NTRK3: variants seen among roughly 807,000 people sequenced by gnomAD.
The protein encoded by NTRK3 is NT-3 growth factor receptor.
NTRK3 carries 24 observed loss-of-function variants against 91.7 expected under a neutral mutation model. The observed-to-expected ratio is 0.26, with a 90% CI of 0.19 to 0.37. NTRK3 has a LOEUF of 0.37. NTRK3 is among the 10% of genes least tolerant of loss of function. The pLI is 1.00. For synonymous variants in NTRK3, 483 were observed against 404.0 expected (o/e 1.20, Z -2.34); for missense variants, 880 against 1,068.9 (o/e 0.82, Z 2.46).
chr15:88,166,296 T>C (rs1263541234), intron 5 of NTRK3, among the ~76,000 whole-genome samples: 1 of 152,206 alleles, frequency 6.6e-6, no homozygotes, highest in Non-Finnish European at 1.5e-5. Flanking sequence ...GCACTCCCTC[T>C]ACTGTTTACA....
chr15:87,982,245 C>A (rs975911206), intron 14 of NTRK3, among the ~76,000 whole-genome samples: 2 of 152,220 alleles, frequency 1.3e-5, no homozygotes, highest in African/African-American at 4.8e-5. Context: ...ATAAGAGGCA[C>A]TGCTCCAAAA....
intron 3 of NTRK3, among the ~76,000 whole-genome samples, chr15:88,222,133 A>G (rs11073768): frequency 0.78 from 118,903 of 152,140 alleles, 48,254 homozygotes; most frequent in East Asian, 0.96. Context: ...TTGCCAACTA[A>G]CTGGAATGCA....
At chr15:88,050,307 A>G (rs937608446) in intron 13 of NTRK3, among the ~76,000 whole-genome samples, 8 of 152,146 alleles carry the variant, frequency 5.3e-5, no homozygotes, top group Admixed American at 1.3e-4. Context: ...CCACATTACA[A>G]TCCTTAAGCT....
chr15:88,046,476 G>A lies in NTRK3; in HGVS notation c.1397-13431C>T, dbSNP rs145140561. On this transcript the variant is annotated intron_variant, in intron 13 of 18. Coordinates refer to ENST00000394480, the Ensembl canonical transcript of NTRK3. The stretch of plus-strand genomic sequence containing the variant: ...AGGAAGAGCACCATGTTACAGGTGC[G>A]CTCAGGACATGAGGCAGCACCTGAG... Among the ~76,000 whole-genome samples the A allele has an allele frequency of 2.2e-4, 34 of 152,278 alleles. No individual in the cohort carries two copies. In the South Asian group the frequency reaches 2.7e-3, roughly 12 times the overall value.
At chr15:88,183,106 T>G (rs750567344) in intron 5 of NTRK3, among the ~76,000 whole-genome samples, 103 of 147,246 alleles carry the variant, frequency 7.0e-4, no homozygotes, top group Middle Eastern at 3.6e-3. Flanking sequence ...TACATATGAG[T>G]GGAATTCCCT....
At chr15:88,137,426 G>T (rs767478049) in exon 7 of NTRK3, 9 of 1,614,078 alleles carry the variant, frequency 5.6e-6, no homozygotes, top group Middle Eastern at 1.7e-4. Context: ...TGTTCATGCG[G>T]AAGAGAGGAA....
At chr15:87,909,012 G>A (rs938435427) in intron 17 of NTRK3, among the ~76,000 whole-genome samples, 20 of 152,170 alleles carry the variant, frequency 1.3e-4, no homozygotes, top group East Asian at 3.9e-4. Context: ...AAGAAACAGC[G>A]CTTTCTCCAA....
rs181760797 is a variant in NTRK3 at position 88,251,404 on chromosome 15, G to A, written c.248+4502C>T. ...ATTCATAGTTGAATTTACAGGCTCT[G>A]AAAGTCTAGAGTGCCCTGATGGAGC... On this transcript the variant is annotated intron_variant, in intron 3 of 18. Transcript: ENST00000394480. Among the ~76,000 whole-genome samples the A allele has an allele frequency of 1.4e-3, 212 of 152,384 alleles. 1 individual carries two copies. Among genetic ancestry groups the A allele is most frequent in the Non-Finnish European group, 2.3e-3 (156 of 68,040 alleles).
intron 13 of NTRK3, among the ~76,000 whole-genome samples, chr15:88,100,433 A>C (rs142054382): frequency 6.6e-6 from 1 of 152,168 alleles, no homozygotes; most frequent in African/African-American, 2.4e-5. Flanking sequence ...GCAGCCAGCA[A>C]CTCCCAGTAG....
At chr15:88,187,943 A>G (rs2047076466) in intron 3 of NTRK3, among the ~76,000 whole-genome samples, 1 of 152,096 alleles carries the variant, frequency 6.6e-6, no homozygotes, top group Non-Finnish European at 1.5e-5. Flanking sequence ...CAAAAAAAAA[A>G]AAAAGAAAAA....
At chr15:87,913,949 G>C (rs1040146358) in intron 17 of NTRK3, among the ~76,000 whole-genome samples, 1 of 152,186 alleles carries the variant, frequency 6.6e-6, no homozygotes, top group Admixed American at 6.5e-5. Context: ...AATGAGCCTT[G>C]GAACTGGATG....
exon 19 of NTRK3, chr15:87,870,511 C>G (rs1301866674): frequency 2.9e-5 from 6 of 208,052 alleles, no homozygotes. Context: ...GTGCCAAAAT[C>G]TCACAAATCA....
At chr15:87,949,329 G>A (rs1455383981) in intron 14 of NTRK3, among the ~76,000 whole-genome samples, 10 of 151,798 alleles carry the variant, frequency 6.6e-5, no homozygotes, top group South Asian at 2.1e-4. Flanking sequence ...CTCAGTCTCC[G>A]GCTCCCCAGA....
rs184640794 is a variant in NTRK3, at chr15:87,923,827, G to T, written c.2133+5364C>A. Among the ~76,000 whole-genome samples the T allele has an allele frequency of 4.6e-5, 7 of 152,202 alleles. No homozygotes were observed. The East Asian group carries it at 1.4e-3, about 30-fold the overall frequency. On this transcript the variant is annotated intron_variant, in intron 17 of 18. Transcript: ENST00000394480. The stretch of plus-strand genomic sequence containing the variant: ...ATGTTGTTATCATGAGAGTGGGTTT[G>T]TTATCACAAGAGCGGGTTTACTATA...
At chr15:88,171,037 G>A (rs187547750) in intron 5 of NTRK3, among the ~76,000 whole-genome samples, 36 of 152,212 alleles carry the variant, frequency 2.4e-4, no homozygotes, top group Admixed American at 1.3e-3. Flanking sequence ...TCACAATCAC[G>A]GAAAAAGCCA....
intron 13 of NTRK3, among the ~76,000 whole-genome samples, chr15:88,089,861 C>T (rs767371650): frequency 5.3e-5 from 8 of 152,206 alleles, no homozygotes; most frequent in Non-Finnish European, 1.0e-4. Flanking sequence ...AGTCTCCCCA[C>T]CTGCTTAAAT....
intron 5 of NTRK3, among the ~76,000 whole-genome samples, chr15:88,161,764 G>A (rs1281684724): frequency 6.6e-6 from 1 of 152,174 alleles, no homozygotes; most frequent in African/African-American, 2.4e-5. Flanking sequence ...CCCTCTCCAG[G>A]AGGGATTTGG....
At chr15:88,060,800 C>G (rs556683728) in intron 13 of NTRK3, among the ~76,000 whole-genome samples, 1 of 152,256 alleles carries the variant, frequency 6.6e-6, no homozygotes, top group East Asian at 1.9e-4. Flanking sequence ...AAGAAGGAGG[C>G]ATAATCCAAG....
At chr15:87,914,835 T>C (rs1416481560) in intron 17 of NTRK3, among the ~76,000 whole-genome samples, 3 of 152,162 alleles carry the variant, frequency 2.0e-5, no homozygotes, top group East Asian at 3.8e-4. Flanking sequence ...ACCAAGATTG[T>C]CGTGATGATT....
Sources: gnomAD v4.1 joint callset for allele counts (sites outside exome capture counted in the v4.1 genomes callset) on GRCh38, gnomAD v4.1.1 for gene constraint, MANE v1.5 for transcripts, NCBI Gene and HGNC (gene_info 2026-07-23, HGNC 2026-07-21) for gene names.